The following GPHN variants were observed in gnomAD, a reference collection of about 807,000 sequenced individuals.
GPHN encodes gephyrin.
GPHN carries 17 observed loss-of-function variants against 95.5 expected under a neutral mutation model. The observed-to-expected ratio is 0.18, with a 90% CI of 0.12 to 0.27. The LOEUF is 0.27. Ranked by LOEUF, GPHN falls within the 10% of genes least tolerant of loss-of-function variation. The pLI is 1.00. For synonymous variants in GPHN, 320 were observed against 322.5 expected (o/e 0.99, Z 0.08); for missense variants, 660 against 978.1 (o/e 0.67, Z 4.34).
intron 9 of GPHN, among the ~76,000 whole-genome samples, chr14:67,022,000 TTC>T: frequency 6.6e-6 from 1 of 152,266 alleles, no homozygotes; most frequent in African/African-American, 2.4e-5. Flanking sequence ...TCCCAGATTT[TTC>T]TCTCACTCTT....
the GPHN span, chr14:67,586,862 T>G: frequency 6.6e-7 from 1 of 1,511,856 alleles, no homozygotes; most frequent in Non-Finnish European, 8.8e-7. Context: ...GCACTGTGCA[T>G]CTGAGAGGAT....
At chr14:67,668,698 T>C in the GPHN span, among the ~76,000 whole-genome samples, 5 of 152,210 alleles carry the variant, frequency 3.3e-5, no homozygotes, top group Non-Finnish European at 1.5e-5. Context: ...TCTAGCTCAG[T>C]GGCTTTCACA....
At chr14:67,723,018 C>T in the GPHN span, among the ~76,000 whole-genome samples, 1 of 152,170 alleles carries the variant, frequency 6.6e-6, no homozygotes, top group South Asian at 2.1e-4. Flanking sequence ...GGAGTCCTTG[C>T]GTTTTCATTT....
chr14:67,531,893 CAAG>C, the GPHN span, among the ~76,000 whole-genome samples: 55 of 53,660 alleles, frequency 1.0e-3, no homozygotes, highest in Admixed American at 9.3e-3. Context: ...GAGAACAGAA[CAAG>C]AAGAACCTAT....
At chr14:67,486,906 A>G in the GPHN span, 1 of 152,182 alleles carries the variant, frequency 6.6e-6, no homozygotes, top group Admixed American at 6.5e-5. Context: ...CAGACTCAGA[A>G]CTAGAACCTC....
intron 1 of GPHN, among the ~76,000 whole-genome samples, chr14:66,606,016 T>C (rs1370771067): frequency 6.6e-6 from 1 of 152,142 alleles, no homozygotes; most frequent in Non-Finnish European, 1.5e-5. Context: ...ACTTGTCAAT[T>C]TTCATTTTTG....
the GPHN span, among the ~76,000 whole-genome samples, chr14:67,522,865 C>T: frequency 5.9e-5 from 9 of 152,336 alleles, no homozygotes; most frequent in South Asian, 1.9e-3. Context: ...ACCCTGCCAC[C>T]TTCAGGAAAG....
intron 4 of GPHN, among the ~76,000 whole-genome samples, chr14:66,867,315 G>A (rs1407332915): frequency 6.6e-6 from 1 of 152,090 alleles, no homozygotes; most frequent in Non-Finnish European, 1.5e-5. Flanking sequence ...GGTTATGATT[G>A]TTTGAAAGTT....
At chr14:67,574,487 TC>T in the GPHN span, 1 of 1,159,362 alleles carries the variant, frequency 8.6e-7, no homozygotes. This position sits in a 1 kb window ranked among gnomAD's most constrained non-coding sequence, Gnocchi z 4.2. Flanking sequence ...GGTGGTGGGT[TC>T]CCCCTTATAC....
Position 66,540,240 on chromosome 14 carries a change from G to T in GPHN, c.64+31649G>T, listed in dbSNP as rs1291792274. 3.3e-5 allele frequency among the ~76,000 whole-genome samples: 5 copies of T among 152,244 alleles called. No homozygotes were observed. The East Asian group carries it at 7.7e-4, about 24-fold the overall frequency. ...CTGTTCTTGTAACAGAGGGAAAAAA[G>T]AAAATGATTTGGCAGGAATACACAG... is the stretch of plus-strand genomic sequence containing the variant. On this transcript the variant is annotated intron_variant, in intron 1 of 22. Coordinates refer to ENST00000478722, the MANE Select transcript of GPHN (RefSeq NM_020806.5).
At chr14:67,453,432 C>G in the GPHN span, among the ~76,000 whole-genome samples, 1 of 152,254 alleles carries the variant, frequency 6.6e-6, no homozygotes, top group Admixed American at 6.5e-5. Context: ...GTCCTGCACA[C>G]ACCTCCCATC....
rs117501418 is a variant in GPHN at position 66,985,348 on chromosome 14, T to C, written c.963+20023T>C. ...TAAAACACTAAGAGAGAAAAGTACATAGGTATATTTGTAATTCTTTGTTTT... is the reference window on the plus strand; with the variant it reads ...TAAAACACTAAGAGAGAAAAGTACACAGGTATATTTGTAATTCTTTGTTTT... On this transcript the variant is annotated intron_variant, in intron 9 of 22. Coordinates refer to ENST00000478722, the MANE Select transcript of GPHN (RefSeq NM_020806.5). 6.6e-5 allele frequency among the ~76,000 whole-genome samples: 10 copies of C among 152,268 alleles called. No individual in the cohort carries two copies. The East Asian group carries it at 9.6e-4, about 15-fold the overall frequency.
chr14:67,385,696 G>A, the GPHN span: 1 of 88,990 alleles, frequency 1.1e-5, no homozygotes, highest in East Asian at 3.1e-4. Context: ...GTGTTATATT[G>A]CCTGGGCAGG....
chr14:67,534,672 G>GC, the GPHN span, among the ~76,000 whole-genome samples: 1 of 152,096 alleles, frequency 6.6e-6, no homozygotes, highest in Non-Finnish European at 1.5e-5. Context: ...GTGGGGTGCA[G>GC]CCTGTGGCCC....
chr14:66,558,258 T>G (rs1380551513), intron 1 of GPHN, among the ~76,000 whole-genome samples: 1 of 152,126 alleles, frequency 6.6e-6, no homozygotes, highest in Non-Finnish European at 1.5e-5. Flanking sequence ...AGCATCATGA[T>G]AGTATATACT....
chr14:66,684,169 A>G (rs921215281), intron 2 of GPHN, among the ~76,000 whole-genome samples: 1 of 152,110 alleles, frequency 6.6e-6, no homozygotes, highest in Non-Finnish European at 1.5e-5. Flanking sequence ...TGACTCACCC[A>G]TTTGAGCTGC....
chr14:67,549,246 T>C, the GPHN span, among the ~76,000 whole-genome samples: 3 of 151,292 alleles, frequency 2.0e-5, no homozygotes, highest in Non-Finnish European at 4.4e-5. Context: ...TGTGTGTGCG[T>C]GTGTGTGTGT....
At chr14:67,138,912 TTTTTA>T (rs2080271981) in intron 17 of GPHN, among the ~76,000 whole-genome samples, 9 of 144,794 alleles carry the variant, frequency 6.2e-5, no homozygotes, top group Admixed American at 1.4e-4. Flanking sequence ...TTTTTTTTTT[TTTTTA>T]AATTATTAAG....
At chr14:67,477,292 T>G in the GPHN span, among the ~76,000 whole-genome samples, 32 of 152,344 alleles carry the variant, frequency 2.1e-4, no homozygotes, top group African/African-American at 7.2e-4. Flanking sequence ...TTCCTCACAA[T>G]CCAGCTCTTC....
Sources: gnomAD v4.1 joint callset for allele counts (sites outside exome capture counted in the v4.1 genomes callset) on GRCh38, gnomAD v4.1.1 for gene constraint, Gnocchi (gnomAD v3.1) non-coding constraint, MANE v1.5 for transcripts, NCBI Gene and HGNC (gene_info 2026-07-23, HGNC 2026-07-21) for gene names.